MSH4: variants seen among roughly 807,000 people sequenced by gnomAD.
The protein encoded by MSH4 is mutS homolog 4.
A neutral mutation model predicts 113.7 loss-of-function variants in MSH4; 106 were observed. That is an observed-to-expected ratio of 0.93 (90% confidence interval 0.80 to 1.10). MSH4 has a LOEUF of 1.10. Ranked by LOEUF, MSH4 falls within the 50% of genes least tolerant of loss-of-function variation. The probability of loss-of-function intolerance (pLI) is 0.00; values close to 1 mark genes in which losing one functional copy is unlikely to be tolerated. For missense variants in MSH4, 1,061 were observed against 1,093.7 expected (o/e 0.97, Z 0.42); for synonymous variants, 368 against 380.2 (o/e 0.97, Z 0.37).
chr1:75,858,478 G>A (rs1651375135), intron 8 of MSH4, among the ~76,000 whole-genome samples: 1 of 152,200 alleles, frequency 6.6e-6, no homozygotes, highest in Non-Finnish European at 1.5e-5. Flanking sequence ...AGCATGAAAT[G>A]CTGTTGAATT....
intron 6 of MSH4, among the ~76,000 whole-genome samples, chr1:75,820,479 T>C (rs1416913369): frequency 6.6e-6 from 1 of 152,248 alleles, no homozygotes; most frequent in Non-Finnish European, 1.5e-5. Context: ...AGCTATTAAT[T>C]ATTGCCTCAA....
intron 7 of MSH4, among the ~76,000 whole-genome samples, chr1:75,847,507 C>A (rs936689155): frequency 1.6e-4 from 25 of 152,078 alleles, no homozygotes; most frequent in African/African-American, 5.1e-4. Flanking sequence ...AGTAGAGTTT[C>A]AAGAATGAGG....
intron 5 of MSH4, among the ~76,000 whole-genome samples, chr1:75,816,058 C>G (rs1218100312): frequency 6.6e-6 from 1 of 151,958 alleles, no homozygotes; most frequent in Non-Finnish European, 1.5e-5. Flanking sequence ...TATTTGAATA[C>G]TTAGAATGGT....
chr1:75,858,850 C>G (rs1016596867), intron 8 of MSH4, among the ~76,000 whole-genome samples: 1 of 152,156 alleles, frequency 6.6e-6, no homozygotes, highest in Non-Finnish European at 1.5e-5. Context: ...GTCCCAGCTC[C>G]TCTTTGTACC....
rs764744276 is a variant in MSH4 at position 75,796,954 on chromosome 1, C to A, written c.-32C>A. ...TACTGGAGGGGTCGCTCAGAAACCTCATACTTCTCGGGTCAGGGAAGGTTT... is the reference window on the plus strand; with the variant it reads ...TACTGGAGGGGTCGCTCAGAAACCTAATACTTCTCGGGTCAGGGAAGGTTT... On this transcript the variant is annotated 5_prime_UTR_variant, in exon 1 of 20. Transcript: ENST00000263187. 1 of 1,612,404 alleles carries A rather than the reference C, an allele frequency of 6.2e-7. No homozygotes were observed. The highest frequency in any genetic ancestry group is 2.2e-5 in the East Asian group (1 of 44,846).
chr1:75,824,935 G>T (rs1163722401), intron 7 of MSH4, among the ~76,000 whole-genome samples: 4 of 106,036 alleles, frequency 3.8e-5, no homozygotes, highest in Admixed American at 1.1e-4. Context: ...GGATTGTTTT[G>T]GCTATATGAT....
chr1:75,878,107 G>T, intron 10 of MSH4, 42 bp from the exon 11 acceptor site: 2 of 1,358,750 alleles, frequency 1.5e-6, no homozygotes, highest in South Asian at 1.4e-5. Flanking sequence ...ATAACTCTTT[G>T]ACTTATTGCC....
chr1:75,909,115 T>C (rs1219336936), intron 19 of MSH4, among the ~76,000 whole-genome samples: 1 of 152,166 alleles, frequency 6.6e-6, no homozygotes, highest in East Asian at 1.9e-4. Flanking sequence ...GTGCTTCCTG[T>C]GGGTTTAGGC....
chr1:75,842,493 A>G (rs1306149050), intron 7 of MSH4, among the ~76,000 whole-genome samples: 1 of 152,224 alleles, frequency 6.6e-6, no homozygotes, highest in Non-Finnish European at 1.5e-5. Flanking sequence ...TAGATCTTAG[A>G]TATGATTATA....
intron 3 of MSH4, among the ~76,000 whole-genome samples, chr1:75,808,142 T>C (rs1349843380): frequency 6.6e-6 from 1 of 152,226 alleles, no homozygotes; most frequent in African/African-American, 2.4e-5. Flanking sequence ...CAACTGTGTA[T>C]GTGGTGACCC....
rs765344556 is a variant in MSH4 at position 75,797,198 on chromosome 1, C to A, written c.213C>A (p.Pro71=). The A allele has an allele frequency of 3.7e-6, 6 of 1,606,872 alleles. No homozygotes were observed. Among genetic ancestry groups the A allele is most frequent in the African/African-American group, 1.3e-5 (1 of 74,830 alleles). ...GGAGCAGCAGCAGCAGCAGCCTTCCCTGCCCCGCGCCAAACTCCCGGCCAG... is the reference window on the plus strand; with the variant it reads ...GGAGCAGCAGCAGCAGCAGCCTTCCATGCCCCGCGCCAAACTCCCGGCCAG... The part of the protein sequence containing the change: ...GDRSSSSSSL[P]CPAPNSRPAQ... The change falls in exon 1 of 20, where the codon CCC becomes CCA. Residue 71 remains proline (P), a synonymous_variant. Coordinates refer to ENST00000263187, the MANE Select transcript of MSH4 (RefSeq NM_002440.4).
At position 75,803,829 on chromosome 1, in the gene MSH4, C is replaced by A. The variant is rs369865402; in HGVS notation, c.343C>A (p.Pro115Thr). 12 of 1,603,956 alleles carry A rather than the reference C, an allele frequency of 7.5e-6. No individual in the cohort carries two copies. The African/African-American group carries it at 1.6e-4, about 22-fold the overall frequency. The stretch of plus-strand genomic sequence containing the variant: ...ATCTTCTGCACGAGATACTAATTAT[C>A]CTCAAACACTTAAAACTCCATTGTC... Reference protein sequence around the residue: ...SSSSARDTNYPQTLKTPLSTG... With the variant: ...SSSSARDTNYTQTLKTPLSTG... Residue 115 changes from proline (P) to threonine (T), a missense_variant, in exon 2 of 20, where the codon CCT becomes ACT. Transcript: ENST00000263187.
intron 7 of MSH4, among the ~76,000 whole-genome samples, chr1:75,824,496 T>C (rs1255556676): frequency 6.6e-6 from 1 of 152,206 alleles, no homozygotes; most frequent in Non-Finnish European, 1.5e-5. Context: ...CTTGTCAATT[T>C]TGGCTTTTGT....
At chr1:75,822,807 TTC>T (rs1287880391) in intron 7 of MSH4, among the ~76,000 whole-genome samples, 1 of 140,282 alleles carries the variant, frequency 7.1e-6, no homozygotes, top group Admixed American at 7.2e-5. Flanking sequence ...TTCCATTTTT[TTC>T]TGTTTTTTTT....
At position 75,898,057 on chromosome 1, in the gene MSH4, G is replaced by A. The variant is rs1207598233; in HGVS notation, c.2506G>A (p.Gly836Arg). 1.9e-6 allele frequency: 3 copies of A among 1,582,910 alleles called. No individual in the cohort carries two copies. The highest frequency in any genetic ancestry group is 1.4e-5 in the African/African-American group (1 of 73,746). ...AILYTYKLSK[G>R]LTEEKNYGLK... Reference sequence around the variant, plus strand: ...TTTGTATACCTACAAACTTTCTAAGGGACTCACAGAAGAGAAAAATTATGG... The same window carrying A: ...TTTGTATACCTACAAACTTTCTAAGAGACTCACAGAAGAGAAAAATTATGG... Residue 836 changes from glycine to arginine, a missense_variant, in exon 18 of 20, where the codon GGA becomes AGA. Gly to Arg is a moderately radical substitution (Grantham distance 125). Coordinates refer to ENST00000263187, the MANE Select transcript of MSH4 (RefSeq NM_002440.4).
intron 4 of MSH4, among the ~76,000 whole-genome samples, chr1:75,812,586 C>T (rs1401143156): frequency 1.3e-5 from 2 of 151,986 alleles, no homozygotes; most frequent in African/African-American, 2.4e-5. Flanking sequence ...CCCAGCTACT[C>T]GGGAAGCTGA....
At chr1:75,832,649 C>T (rs1226992533) in intron 7 of MSH4, among the ~76,000 whole-genome samples, 7 of 152,018 alleles carry the variant, frequency 4.6e-5, no homozygotes, top group Non-Finnish European at 5.9e-5. Flanking sequence ...AAGCAATATA[C>T]GTAATCCATC....
At chr1:75,823,724 G>A (rs933252599) in intron 7 of MSH4, among the ~76,000 whole-genome samples, 1 of 152,152 alleles carries the variant, frequency 6.6e-6, no homozygotes, top group Non-Finnish European at 1.5e-5. Context: ...AAAACATGCA[G>A]TGTTTGGTTT....
At chr1:75,873,676 T>C (rs1343516383) in intron 9 of MSH4, among the ~76,000 whole-genome samples, 1 of 152,128 alleles carries the variant, frequency 6.6e-6, no homozygotes, top group Non-Finnish European at 1.5e-5. Flanking sequence ...GATTTTCCGT[T>C]CCTGTGTTAA....
Sources: allele counts gnomAD v4.1 joint callset (sites outside exome capture counted in the v4.1 genomes callset), GRCh38; gene constraint gnomAD v4.1.1; transcripts MANE v1.5; gene names NCBI Gene and HGNC (gene_info 2026-07-23, HGNC 2026-07-21).